DNER: variants seen among roughly 807,000 people sequenced by gnomAD.
The protein encoded by DNER is delta and Notch-like epidermal growth factor-related receptor.
DNER carries 33 observed loss-of-function variants against 78.2 expected under a neutral mutation model. That is an observed-to-expected ratio of 0.42 (90% CI 0.32 to 0.56). DNER has a LOEUF of 0.56. Ranked by LOEUF, DNER falls within the 20% of genes least tolerant of loss-of-function variation. DNER has a pLI of 0.11. For synonymous variants in DNER, 417 were observed against 384.8 expected, an observed-to-expected ratio of 1.08 and a Z score of -0.98; for missense variants, 918 against 975.3, an observed-to-expected ratio of 0.94 and a Z score of 0.78.
chr2:229,505,474 C>A (rs1029155857), intron 6 of DNER, among the ~76,000 whole-genome samples: 30 of 151,964 alleles, frequency 2.0e-4, no homozygotes, highest in African/African-American at 7.0e-4. Flanking sequence ...TCCCCTGGAC[C>A]CATCTCTGTG....
intron 4 of DNER, among the ~76,000 whole-genome samples, chr2:229,568,713 C>G (rs1229112748): frequency 6.6e-6 from 1 of 151,998 alleles, no homozygotes; most frequent in Non-Finnish European, 1.5e-5. Context: ...CCAAGCTATA[C>G]GTTTCCTTTT....
chr2:229,705,845 G>C (rs1052576566), intron 1 of DNER, among the ~76,000 whole-genome samples: 5 of 152,182 alleles, frequency 3.3e-5, no homozygotes, highest in African/African-American at 9.6e-5. Context: ...TGATAAGCCT[G>C]TAGTAACTCA....
chr2:229,539,917 C>T (rs11890507), intron 5 of DNER, among the ~76,000 whole-genome samples: 6,220 of 152,250 alleles, frequency 0.041, 421 homozygotes, highest in African/African-American at 0.14. Context: ...GTCCCTGCGG[C>T]CTTGTAACTG....
At chr2:229,385,877 T>C (rs1458870676) in intron 11 of DNER, among the ~76,000 whole-genome samples, 2 of 151,846 alleles carry the variant, frequency 1.3e-5, no homozygotes, top group Non-Finnish European at 2.9e-5. Context: ...ATCAATATCA[T>C]GAAAATGGCC....
chr2:229,678,607 C>T (rs1230612817), intron 1 of DNER, among the ~76,000 whole-genome samples: 19 of 152,174 alleles, frequency 1.2e-4, no homozygotes, highest in Admixed American at 1.2e-3. Context: ...GTTGCAAAAG[C>T]TAGACCAGTA....
At chr2:229,447,945 G>A (rs1267760820) in intron 7 of DNER, among the ~76,000 whole-genome samples, 1 of 151,948 alleles carries the variant, frequency 6.6e-6, no homozygotes, top group Non-Finnish European at 1.5e-5. Flanking sequence ...ATATTAATGG[G>A]GAACACATTT....
chr2:229,494,785 CATATTCACAGCTGAATAGCTCT>C lies in DNER; in HGVS notation c.1148-17554_1148-17533del, dbSNP rs1487068702. On this transcript the variant is annotated intron_variant, in intron 6 of 12. Transcript: ENST00000341772. ...CTTTCCCTTTCCTTGAAGAACAGCT[CATATTCACAGCTGAATAGCTCT>C]ATATTCCACTCCTATAGATTCCAAG... 2.0e-5 allele frequency among the ~76,000 whole-genome samples: 3 copies of C among 152,306 alleles called. No homozygotes were observed. The East Asian group carries it at 5.8e-4, about 29-fold the overall frequency.
chr2:229,373,216 CA>C lies in DNER; in HGVS notation c.1856-6098del, dbSNP rs1278481790. Among the ~76,000 whole-genome samples the C allele has an allele frequency of 1.8e-4, 28 of 152,228 alleles. 1 individual carries two copies. In the East Asian group the frequency reaches 5.2e-3, roughly 28 times the overall value. ...ATGCATCCAAGAAAGGTCTAATACC[CA>C]GAATCTGTAAGAAACTTAAACAATT... On this transcript the variant is annotated intron_variant, in intron 11 of 12. Coordinates refer to ENST00000341772, the MANE Select transcript of DNER (RefSeq NM_139072.4).
intron 7 of DNER, among the ~76,000 whole-genome samples, chr2:229,451,090 A>G (rs564920394): frequency 1.6e-4 from 25 of 152,348 alleles, no homozygotes; most frequent in Admixed American, 8.5e-4. Context: ...GGGTTCTGAA[A>G]AAAATACATA....
intron 1 of DNER, among the ~76,000 whole-genome samples, chr2:229,594,952 TAAA>T (rs200824543): frequency 9.7e-6 from 1 of 102,688 alleles, no homozygotes; most frequent in African/African-American, 3.4e-5. Flanking sequence ...AAATGCTGTT[TAAA>T]AAAAAAAAAA....
intron 10 of DNER, among the ~76,000 whole-genome samples, chr2:229,399,084 TA>T (rs1693209800): frequency 1.3e-5 from 2 of 150,508 alleles, no homozygotes; most frequent in Admixed American, 1.3e-4. Context: ...AGACAAAAAA[TA>T]AAATTTATAC....
At chr2:229,674,831 G>A (rs1424040064) in intron 1 of DNER, among the ~76,000 whole-genome samples, 3 of 152,192 alleles carry the variant, frequency 2.0e-5, no homozygotes, top group African/African-American at 7.2e-5. Context: ...ACCTGAAGGA[G>A]AGCCTGTTTC....
At chr2:229,548,986 G>GCTTA (rs1246342315) in intron 4 of DNER, among the ~76,000 whole-genome samples, 2 of 152,114 alleles carry the variant, frequency 1.3e-5, no homozygotes, top group Admixed American at 6.5e-5. Context: ...ACCAGCAAAT[G>GCTTA]CTTAGCTGCC....
intron 4 of DNER, among the ~76,000 whole-genome samples, chr2:229,574,333 A>G (rs913539949): frequency 2.0e-5 from 3 of 152,192 alleles, no homozygotes; most frequent in South Asian, 2.1e-4. Context: ...AGGAAGAAAG[A>G]AAGGAAGGAA....
intron 5 of DNER, among the ~76,000 whole-genome samples, chr2:229,537,656 A>G (rs768640330): frequency 3.9e-5 from 6 of 152,228 alleles, no homozygotes; most frequent in Non-Finnish European, 5.9e-5. Flanking sequence ...CAATGCTTCT[A>G]TAACTGTCCG....
intron 1 of DNER, among the ~76,000 whole-genome samples, chr2:229,703,704 C>T (rs1402313197): frequency 1.3e-5 from 2 of 152,048 alleles, no homozygotes; most frequent in East Asian, 1.9e-4. Context: ...CATGGTGAAA[C>T]CCCACCTCTA....
chr2:229,503,076 G>C (rs1011777791), intron 6 of DNER, among the ~76,000 whole-genome samples: 10 of 152,244 alleles, frequency 6.6e-5, no homozygotes, highest in Middle Eastern at 3.4e-3. Flanking sequence ...AATGGTCCTT[G>C]TACTAGGGCC....
In DNER at chr2:229,679,634, T is replaced by C. The variant is rs79860950; in HGVS notation, c.276+34514A>G. ...CTTATCGTTCTGTAGCTCATCTCAG[T>C]AGAAATATCAAGACCTATCAAGCCA... On this transcript the variant is annotated intron_variant, in intron 1 of 12. Transcript: ENST00000341772. Among the ~76,000 whole-genome samples the C allele has an allele frequency of 3.3e-3, 509 of 152,306 alleles. 2 individuals are homozygous for C. Among genetic ancestry groups the C allele is most frequent in the Non-Finnish European group, 5.7e-3 (390 of 68,020 alleles).
chr2:229,403,879 A>C (rs926178306), intron 10 of DNER, among the ~76,000 whole-genome samples: 4 of 152,142 alleles, frequency 2.6e-5, no homozygotes, highest in Non-Finnish European at 5.9e-5. Context: ...AAGGCTGGAA[A>C]GGCTGGATGG....
Sources: allele counts gnomAD v4.1 joint callset (sites outside exome capture counted in the v4.1 genomes callset), GRCh38; gene constraint gnomAD v4.1.1; transcripts MANE v1.5; gene names NCBI Gene and HGNC (gene_info 2026-07-23, HGNC 2026-07-21).